The following MARCHF1 variants were observed in gnomAD, a reference collection of about 807,000 sequenced individuals.
MARCHF1 encodes the protein membrane associated ring-CH-type finger 1.
A neutral mutation model predicts 54.2 loss-of-function variants in MARCHF1; 40 were observed. That is an observed-to-expected ratio of 0.74 (90% CI 0.57 to 0.96). MARCHF1 has a LOEUF of 0.96. Among genes scored for constraint, MARCHF1 ranks in the 40% least tolerant of loss-of-function variants. The pLI is 0.00. For synonymous variants in MARCHF1, 236 were observed against 236.3 expected (o/e 1.00, Z 0.01); for missense variants, 586 against 656.5 (o/e 0.89, Z 1.17).
chr4:164,151,370 G>C (rs748348715), intron 1 of MARCHF1, among the ~76,000 whole-genome samples: 2 of 152,136 alleles, frequency 1.3e-5, no homozygotes, highest in African/African-American at 4.8e-5. Context: ...TCAGTTGAGT[G>C]GTGACAGGGG....
intron 1 of MARCHF1, among the ~76,000 whole-genome samples, chr4:164,318,902 A>G (rs1033978671): frequency 2.6e-5 from 4 of 152,258 alleles, no homozygotes; most frequent in African/African-American, 9.6e-5. Context: ...ACACACATAT[A>G]TTTCTATTTA....
At chr4:164,118,918 C>A (rs573887318) in intron 1 of MARCHF1, among the ~76,000 whole-genome samples, 1 of 147,106 alleles carries the variant, frequency 6.8e-6, no homozygotes, top group African/African-American at 2.5e-5. Flanking sequence ...AAATTACAAA[C>A]TCAAGTAGAT....
At chr4:163,552,645 T>C (rs962490668) in intron 8 of MARCHF1, among the ~76,000 whole-genome samples, 12 of 152,280 alleles carry the variant, frequency 7.9e-5, no homozygotes, top group Middle Eastern at 3.4e-3. Flanking sequence ...AAGTTCCCTA[T>C]AGACACACTC....
intron 1 of MARCHF1, among the ~76,000 whole-genome samples, chr4:164,208,780 T>TA (rs1731681829): frequency 6.6e-6 from 1 of 152,022 alleles, no homozygotes; most frequent in Non-Finnish European, 1.5e-5. Context: ...ATCCCATCTC[T>TA]AAAAAAATAC....
At chr4:163,810,631 C>T (rs1748357242) in intron 4 of MARCHF1, among the ~76,000 whole-genome samples, 1 of 151,984 alleles carries the variant, frequency 6.6e-6, no homozygotes, top group Admixed American at 6.6e-5. Context: ...TAATTGAAGT[C>T]CTCATCCTAA....
rs57615312 is a variant in MARCHF1, at chr4:164,155,563, A to T, written c.-322-43901T>A. ...TAGGGCTATGGATTTAGGAATTTCT[A>T]TTAAAAGATTTTTTTCAAAGCAAGT... On this transcript the variant is annotated intron_variant, in intron 1 of 9. Transcript: ENST00000514618. Among the ~76,000 whole-genome samples, 707 of 152,278 alleles carry T rather than the reference A, an allele frequency of 4.6e-3. 6 individuals carry two copies. The highest frequency in any genetic ancestry group is 0.016 in the African/African-American group (651 of 41,558).
At chr4:164,289,561 T>A (rs1338481341) in intron 1 of MARCHF1, among the ~76,000 whole-genome samples, 2 of 140,892 alleles carry the variant, frequency 1.4e-5, no homozygotes, top group Non-Finnish European at 3.0e-5. Context: ...TAGGAGTGAA[T>A]GAGCTGCTAG....
chr4:163,931,609 T>G (rs889851337), intron 3 of MARCHF1, among the ~76,000 whole-genome samples: 1 of 152,200 alleles, frequency 6.6e-6, no homozygotes, highest in Non-Finnish European at 1.5e-5. Context: ...GAAATACATT[T>G]CCGTTGTTTA....
chr4:163,656,127 T>A (rs920437404), intron 5 of MARCHF1, among the ~76,000 whole-genome samples: 29 of 149,922 alleles, frequency 1.9e-4, no homozygotes, highest in African/African-American at 6.9e-4. Context: ...AGCTGTTTTT[T>A]TTTTGAAAAA....
In MARCHF1 at chr4:164,177,009, T is replaced by TATATATATATATATATATATAC. The variant is rs1553989397; in HGVS notation, c.-322-65348_-322-65347insGTATATATATATATATATATAT. Among the ~76,000 whole-genome samples the TATATATATATATATATATATAC allele has an allele frequency of 1.2e-3, 66 of 55,482 alleles. 6 individuals are homozygous for TATATATATATATATATATATAC. The highest frequency in any genetic ancestry group is 1.7e-3 in the Non-Finnish European group (47 of 28,012). The allele number at this position is 55,482 out of a possible 152,430, so 36.4% of individuals were successfully genotyped here. A position where few individuals can be genotyped will look rare whatever the true frequency, so the allele number is the denominator to read the frequency against. On this transcript the variant is annotated intron_variant, in intron 1 of 9. Transcript: ENST00000514618. ...ATATATATATATATATATATATATA[T>TATATATATATATATATATATAC]ACAAATGATAGAATTAGGCATGTTT...
intron 4 of MARCHF1, among the ~76,000 whole-genome samples, chr4:163,803,267 G>A (rs1310689238): frequency 3.9e-5 from 6 of 151,974 alleles, no homozygotes; most frequent in Admixed American, 1.3e-4. Flanking sequence ...TCTGCCTCCC[G>A]GGTTCAAGTG....
intron 5 of MARCHF1, among the ~76,000 whole-genome samples, chr4:163,660,193 C>A (rs1364102742): frequency 6.6e-6 from 1 of 151,876 alleles, no homozygotes; most frequent in Non-Finnish European, 1.5e-5. Context: ...GAAAATGTGG[C>A]ACATATATAT....
chr4:164,065,766 C>A (rs1374199479), intron 2 of MARCHF1, among the ~76,000 whole-genome samples: 1 of 152,076 alleles, frequency 6.6e-6, no homozygotes, highest in African/African-American at 2.4e-5. Context: ...GGCTTGAGAG[C>A]CCCAGGCAAA....
At chr4:164,095,183 C>A (rs762930301) in intron 2 of MARCHF1, among the ~76,000 whole-genome samples, 35 of 152,040 alleles carry the variant, frequency 2.3e-4, no homozygotes, top group Non-Finnish European at 4.0e-4. Context: ...AGACTTCAAG[C>A]CCAGAACAGC....
At chr4:164,187,189 T>C (rs548140501) in intron 1 of MARCHF1, among the ~76,000 whole-genome samples, 1 of 152,222 alleles carries the variant, frequency 6.6e-6, no homozygotes, top group South Asian at 2.1e-4. Context: ...TTGACAGCTT[T>C]GTTCGAGGAA....
At chr4:163,732,143 AAT>A (rs1745863634) in intron 4 of MARCHF1, among the ~76,000 whole-genome samples, 1 of 151,616 alleles carries the variant, frequency 6.6e-6, no homozygotes, top group African/African-American at 2.4e-5. Flanking sequence ...TAATAGAATT[AAT>A]ATATGATTAG....
At chr4:164,346,201 C>G (rs1159967806) in intron 1 of MARCHF1, among the ~76,000 whole-genome samples, 12 of 152,006 alleles carry the variant, frequency 7.9e-5, no homozygotes, top group Non-Finnish European at 1.8e-4. Context: ...AGATAATGCC[C>G]TAGGTATATC....
At position 163,786,732 on chromosome 4, in the gene MARCHF1, A is replaced by G. The variant is rs145441978; in HGVS notation, c.111+67289T>C. Among the ~76,000 whole-genome samples the G allele has an allele frequency of 2.2e-3, 340 of 152,070 alleles. 3 individuals are homozygous for G. The highest frequency in any genetic ancestry group is 7.9e-3 in the African/African-American group (327 of 41,556). On this transcript the variant is annotated intron_variant, in intron 4 of 9. Coordinates refer to ENST00000514618, the MANE Select transcript of MARCHF1 (RefSeq NM_001394959.1). ...TAATTTTTCTTTCAGAAATAGAAAA[A>G]TCATCCTAAAATTTAGATGGAATCT...
chr4:164,151,748 A>C (rs1401125757), intron 1 of MARCHF1, among the ~76,000 whole-genome samples: 18 of 152,176 alleles, frequency 1.2e-4, no homozygotes. Flanking sequence ...ATAGTAAAAT[A>C]AAATTAAAAG....
Sources: allele counts gnomAD v4.1 joint callset (sites outside exome capture counted in the v4.1 genomes callset), GRCh38; gene constraint gnomAD v4.1.1; transcripts MANE v1.5; gene names NCBI Gene and HGNC (gene_info 2026-07-23, HGNC 2026-07-21).